Variants in SLC8A2 observed in about 807,000 individuals in gnomAD.
The protein encoded by SLC8A2 is sodium/calcium exchanger 2.
A neutral mutation model predicts 70.2 loss-of-function variants in SLC8A2; 14 were observed. The observed-to-expected ratio is 0.20, with a 90% CI of 0.13 to 0.31. The LOEUF is 0.31. Among genes scored for constraint, SLC8A2 ranks in the 10% least tolerant of loss-of-function variants. SLC8A2 has a pLI of 1.00. For synonymous variants in SLC8A2, 575 were observed against 594.3 expected, an observed-to-expected ratio of 0.97 and a Z score of 0.47; for missense variants, 779 against 1,320.1, an observed-to-expected ratio of 0.59 and a Z score of 6.35.
chr19:47,443,796 G>A (rs907246272), intron 4 of SLC8A2, among the ~76,000 whole-genome samples: 1 of 151,906 alleles, frequency 6.6e-6, no homozygotes, highest in East Asian at 1.9e-4. Context: ...GCTTCTCTGG[G>A]TCTATCTCTC....
In SLC8A2 at chr19:47,465,693, C is replaced by A. The variant is rs1967448261; in HGVS notation, c.675+36G>T. On this transcript the variant is annotated intron_variant, in intron 2 of 9. Transcript: ENST00000236877. This position sits in a 1 kb window ranked among gnomAD's most constrained non-coding sequence, Gnocchi z 5.5. ...CACCTCTCTGGATTTTGCAGACACA[C>A]ATGCACCAAGAAAGCATCTATGCGT... 8 of 1,541,574 alleles carry A rather than the reference C, an allele frequency of 5.2e-6. No individual in the cohort carries two copies. The highest frequency in any genetic ancestry group is 5.3e-6 in the Non-Finnish European group (6 of 1,133,180).
chr19:47,447,814 C>A lies in SLC8A2; in HGVS notation c.1758G>T (p.Glu586Asp). The A allele has an allele frequency of 6.3e-7, 1 of 1,588,764 alleles. No individual in the cohort carries two copies. Among genetic ancestry groups the A allele is most frequent in the South Asian group, 1.1e-5 (1 of 89,308 alleles). Residue 586 changes from glutamate to aspartate, a missense_variant, in exon 4 of 10, where the codon GAG becomes GAT. Physicochemically the swap from Glu to Asp is conservative, Grantham distance 45. Around this residue, in one of 6 missense-constraint regions of SLC8A2, gnomAD observed 247 missense variants for 362.8 expected, o/e 0.68. Coordinates refer to ENST00000236877, the MANE Select transcript of SLC8A2 (RefSeq NM_015063.3). The surrounding 1 kb of genome is among the most constrained non-coding windows in gnomAD (Gnocchi z 5.1). ...GCCGCCTCGGGCGTGCTCACATGGT[C>A]TCGTCGTCGCCAAACTCCAGCTCTC... ...ACGELEFGDD[E>D]TMKTLQVKIV...
chr19:47,444,616 C>G (rs1175463983), intron 4 of SLC8A2, among the ~76,000 whole-genome samples: 1 of 152,168 alleles, frequency 6.6e-6, no homozygotes, highest in Non-Finnish European at 1.5e-5. Context: ...ACACACACAC[C>G]TCTGTCGCTC....
At chr19:47,435,233 T>C (rs1967011926) in intron 8 of SLC8A2, among the ~76,000 whole-genome samples, 1 of 151,824 alleles carries the variant, frequency 6.6e-6, no homozygotes, top group African/African-American at 2.4e-5. Context: ...AAAGACATGA[T>C]AGGGTCACCG....
intron 3 of SLC8A2, among the ~76,000 whole-genome samples, chr19:47,452,426 G>A (rs1967249144): frequency 8.4e-6 from 1 of 118,702 alleles, no homozygotes; most frequent in Admixed American, 9.7e-5. Context: ...GAGAGAGAGA[G>A]AGAGAGAGAG....
chr19:47,439,727 G>A (rs572823977), intron 6 of SLC8A2, among the ~76,000 whole-genome samples: 6 of 150,058 alleles, frequency 4.0e-5, no homozygotes, highest in Non-Finnish European at 7.4e-5. Flanking sequence ...GCAGTGGCAC[G>A]ATCTCGGCTC....
At chr19:47,431,339 C>T (rs547233779) in intron 9 of SLC8A2, among the ~76,000 whole-genome samples, 2 of 152,240 alleles carry the variant, frequency 1.3e-5, no homozygotes, top group South Asian at 4.1e-4. Flanking sequence ...CCCCACCTGC[C>T]CCCTCATCTT....
chr19:47,452,389 A>G (rs113887331), intron 3 of SLC8A2, among the ~76,000 whole-genome samples: 1 of 142,612 alleles, frequency 7.0e-6, no homozygotes, highest in Admixed American at 7.2e-5. Context: ...TTATATATAT[A>G]TATATATGGA....
At chr19:47,459,766 T>A (rs1386465891) in intron 2 of SLC8A2, among the ~76,000 whole-genome samples, 1 of 151,542 alleles carries the variant, frequency 6.6e-6, no homozygotes, top group Non-Finnish European at 1.5e-5. Context: ...TCTGTGTGCA[T>A]GTGTGTGCAT....
chr19:47,452,010 G>A (rs1205479457), intron 3 of SLC8A2, among the ~76,000 whole-genome samples: 1 of 152,122 alleles, frequency 6.6e-6, no homozygotes, highest in Admixed American at 6.6e-5. Flanking sequence ...AGGGATGACT[G>A]GGGAAATGGA....
Position 47,432,487 on chromosome 19 carries a change from C to G in SLC8A2, c.2111-42G>C. 1 of 1,521,538 alleles carries G rather than the reference C, an allele frequency of 6.6e-7. No individual in the cohort carries two copies. The highest frequency in any genetic ancestry group is 8.8e-7 in the Non-Finnish European group (1 of 1,136,816). The allele number at this position is 1,521,538 out of a possible 1,614,324, so 94.3% of individuals were successfully genotyped here. On this transcript the variant is annotated intron_variant, in intron 8 of 9. Transcript: ENST00000236877. The surrounding 1 kb of genome is among the most constrained non-coding windows in gnomAD (Gnocchi z 6.2). ...CAGCTGGGGCATACACTCAGACTTC[C>G]TTCCTTGCCTACAGAGGCCCCATTT...
chr19:47,450,740 G>A (rs1967224058), intron 3 of SLC8A2, among the ~76,000 whole-genome samples: 1 of 152,140 alleles, frequency 6.6e-6, no homozygotes, highest in South Asian at 2.1e-4. Context: ...TGGCCACCAT[G>A]CCAGCTGTGT....
At chr19:47,440,793 G>T (rs1299685245) in intron 6 of SLC8A2, among the ~76,000 whole-genome samples, 1 of 152,122 alleles carries the variant, frequency 6.6e-6, no homozygotes, top group Non-Finnish European at 1.5e-5. Flanking sequence ...GTTTCACCAT[G>T]TTGGTCAGGC....
rs1319912830 is a variant in SLC8A2, at chr19:47,432,755, G to A, written c.2111-310C>T. On this transcript the variant is annotated intron_variant, in intron 8 of 9. Coordinates refer to ENST00000236877, the MANE Select transcript of SLC8A2 (RefSeq NM_015063.3). This position sits in a 1 kb window ranked among gnomAD's most constrained non-coding sequence, Gnocchi z 6.2. The stretch of plus-strand genomic sequence containing the variant: ...ATCCCTTGGAGCTAGGGGCATGACT[G>A]AGTCCAGGTAAAAAAATTTTACTTT... 2.0e-5 allele frequency among the ~76,000 whole-genome samples: 3 copies of A among 151,990 alleles called. No individual in the cohort carries two copies. Among genetic ancestry groups the A allele is most frequent in the Non-Finnish European group, 4.4e-5 (3 of 68,012 alleles).
At position 47,437,523 on chromosome 19, in the gene SLC8A2, G is replaced by A. The variant is rs1342335788; in HGVS notation, c.2049C>T (p.Ala683=). The A allele has an allele frequency of 1.9e-6, 3 of 1,613,948 alleles. No individual in the cohort carries two copies. Among genetic ancestry groups the A allele is most frequent in the East Asian group, 4.5e-5 (2 of 44,856 alleles). Residue 683 remains alanine, a synonymous_variant, in exon 8 of 10, where the codon GCC becomes GCT. Transcript: ENST00000236877. ...TCCATGAATGGGTCCCAATTACCAA[G>A]GCCAAGTTCGTTTTCTTGATGAGTT... ...VDKLIKKTNL[A]LVIGTHSWRE... is the part of the protein sequence containing the mutation.
intron 1 of SLC8A2, among the ~76,000 whole-genome samples, chr19:47,470,168 G>C (rs1967515834): frequency 6.6e-6 from 1 of 152,198 alleles, no homozygotes; most frequent in Admixed American, 6.5e-5. Flanking sequence ...AAATGGTCCA[G>C]TGTGGGGATC....
chr19:47,432,247 G>A lies in SLC8A2; in HGVS notation c.2309C>T (p.Ala770Val). 1 of 1,614,096 alleles carries A rather than the reference G, an allele frequency of 6.2e-7. No individual in the cohort carries two copies. Among genetic ancestry groups the A allele is most frequent in the Non-Finnish European group, 8.5e-7 (1 of 1,179,986 alleles). The change falls in exon 9 of 10, where the codon GCC becomes GTC. Residue 770 changes from alanine to valine, a missense_variant. Physicochemically the swap from Ala to Val is moderately conservative, Grantham distance 64. Around this residue, in one of 6 missense-constraint regions of SLC8A2, gnomAD observed 108 missense variants for 269.6 expected, o/e 0.40. Coordinates refer to ENST00000236877, the MANE Select transcript of SLC8A2 (RefSeq NM_015063.3). The surrounding 1 kb of genome is among the most constrained non-coding windows in gnomAD (Gnocchi z 6.2). ...GCCAACGGTGCAGCCGAAGTGGGAGGCGAGGTCCCCAATGAGGGCGGTGAG... is the reference window on the plus strand; with the variant it reads ...GCCAACGGTGCAGCCGAAGTGGGAGACGAGGTCCCCAATGAGGGCGGTGAG... ...GLLTALIGDL[A>V]SHFGCTVGLK...
chr19:47,457,548 AC>A lies in SLC8A2; in HGVS notation c.721del (p.Val241TyrfsTer30). 6.3e-7 allele frequency: 1 copy of A among 1,595,000 alleles called. No individual in the cohort carries two copies. Among genetic ancestry groups the A allele is most frequent in the Non-Finnish European group, 8.5e-7 (1 of 1,171,318 alleles). On this transcript the variant is annotated frameshift_variant, in exon 3 of 10. Coordinates refer to ENST00000236877, the MANE Select transcript of SLC8A2 (RefSeq NM_015063.3). LOFTEE classifies it high-confidence loss of function. ...LTLVFFPVCVVFAWMADKRLL... is the reference protein window; with the variant it reads ...LTLVFFPVCVXFAWMADKRLL... Reference sequence around the variant, plus strand: ...CCGCTTGTCGGCCATCCAGGCGAATACCACGCACACCGGGAAGAAGACCAGG... The same window carrying A: ...CCGCTTGTCGGCCATCCAGGCGAATACACGCACACCGGGAAGAAGACCAGG...
At position 47,437,328 on chromosome 19, in the gene SLC8A2, G is replaced by A. The variant is rs529691736; in HGVS notation, c.2110+134C>T. On this transcript the variant is annotated intron_variant, in intron 8 of 9. Transcript: ENST00000236877. Reference sequence around the variant, plus strand: ...TCCTCCCGCCTCACCCTCCCAAAGCGCCAGGATTCCAGGCATGAGCCACCG... The same window carrying A: ...TCCTCCCGCCTCACCCTCCCAAAGCACCAGGATTCCAGGCATGAGCCACCG... 12 of 659,648 alleles carry A rather than the reference G, an allele frequency of 1.8e-5. 1 individual carries two copies. The highest frequency in any genetic ancestry group is 8.8e-5 in the South Asian group (5 of 56,528). The allele number at this position is 659,648 out of a possible 1,614,324, so 40.9% of individuals were successfully genotyped here.
Sources: gnomAD v4.1 joint callset for allele counts (sites outside exome capture counted in the v4.1 genomes callset) on GRCh38, gnomAD v4.1.1 for gene constraint, gnomAD v4.1.1 regional missense constraint, Gnocchi (gnomAD v3.1) non-coding constraint, MANE v1.5 for transcripts, NCBI Gene and HGNC (gene_info 2026-07-23, HGNC 2026-07-21) for gene names.